GALNT10: variants seen among roughly 807,000 people sequenced by gnomAD.
GALNT10 encodes the protein polypeptide N-acetylgalactosaminyltransferase 10, also known as GalNAc transferase 10.
In GALNT10, 41 loss-of-function variants were observed where a neutral mutation model predicts 75.0. The observed-to-expected ratio is 0.55, with a 90% confidence interval of 0.43 to 0.71. The LOEUF (loss-of-function observed/expected upper bound fraction) is 0.71, where lower values mean the gene tolerates loss of function less well. GALNT10 is among the 30% of genes least tolerant of loss of function. The pLI, the probability that GALNT10 is intolerant of heterozygous loss-of-function variation, is 0.00. For synonymous variants in GALNT10, 302 were observed against 313.0 expected (o/e 0.96, Z 0.37); for missense variants, 727 against 818.5 (o/e 0.89, Z 1.36).
At chr5:154,400,517 G>T (rs925329023) in intron 7 of GALNT10, among the ~76,000 whole-genome samples, 1 of 152,214 alleles carries the variant, frequency 6.6e-6, no homozygotes, top group African/African-American at 2.4e-5. Context: ...GCCATCCTGG[G>T]TCACAGGCCC....
At chr5:154,267,600 C>T (rs1753798112) in intron 1 of GALNT10, among the ~76,000 whole-genome samples, 1 of 152,158 alleles carries the variant, frequency 6.6e-6, no homozygotes, top group East Asian at 1.9e-4. Context: ...ATTTTTGGCC[C>T]CAGTGTTGAC....
At chr5:154,214,107 C>T (rs1191229768) in intron 1 of GALNT10, among the ~76,000 whole-genome samples, 1 of 152,142 alleles carries the variant, frequency 6.6e-6, no homozygotes, top group African/African-American at 2.4e-5. Flanking sequence ...ATACTGAAAG[C>T]CTTTTTGATG....
intron 7 of GALNT10, among the ~76,000 whole-genome samples, chr5:154,403,461 A>T (rs1052546319): frequency 6.6e-6 from 1 of 152,236 alleles, no homozygotes; most frequent in Admixed American, 6.5e-5. Context: ...ACCCAGCTGC[A>T]CAGCCTAGCA....
intron 4 of GALNT10, among the ~76,000 whole-genome samples, chr5:154,371,675 G>C (rs1199845520): frequency 6.6e-6 from 1 of 152,150 alleles, no homozygotes; most frequent in Non-Finnish European, 1.5e-5. Context: ...CCAGCTGAGA[G>C]AGTTGGGGCA....
intron 7 of GALNT10, among the ~76,000 whole-genome samples, chr5:154,395,020 T>A (rs1755988410): frequency 6.6e-6 from 1 of 152,226 alleles, no homozygotes; most frequent in Admixed American, 6.5e-5. Context: ...CTGTGGAGCC[T>A]GCTTCTCCCA....
chr5:154,340,665 A>G (rs1028059419), intron 4 of GALNT10, among the ~76,000 whole-genome samples: 2 of 152,220 alleles, frequency 1.3e-5, no homozygotes, highest in African/African-American at 4.8e-5. Flanking sequence ...GCAGCCTCCA[A>G]GTAAACCCAT....
chr5:154,307,833 A>G (rs1014661312), intron 3 of GALNT10, among the ~76,000 whole-genome samples: 1 of 151,732 alleles, frequency 6.6e-6, no homozygotes, highest in Non-Finnish European at 1.5e-5. Context: ...CAGGTCAGCA[A>G]CTAGAAGATC....
At chr5:154,231,797 T>C (rs1753154582) in intron 1 of GALNT10, among the ~76,000 whole-genome samples, 1 of 152,244 alleles carries the variant, frequency 6.6e-6, no homozygotes, top group East Asian at 1.9e-4. Flanking sequence ...TACCTCTATG[T>C]GCCTTTGTAG....
chr5:154,325,681 T>C (rs1754746530), intron 3 of GALNT10, among the ~76,000 whole-genome samples: 1 of 149,574 alleles, frequency 6.7e-6, no homozygotes, highest in Admixed American at 6.6e-5. Flanking sequence ...TTTTCGAGGA[T>C]TAAAACACTC....
chr5:154,397,892 C>T (rs1198270222), intron 7 of GALNT10, among the ~76,000 whole-genome samples: 1 of 152,214 alleles, frequency 6.6e-6, no homozygotes, highest in Non-Finnish European at 1.5e-5. Context: ...TTCCACTGCG[C>T]CCTTCTTTCT....
At chr5:154,386,749 A>G (rs1451421606) in intron 7 of GALNT10, 1 of 531,096 alleles carries the variant, frequency 1.9e-6, no homozygotes. Context: ...TGAGATTGAG[A>G]TGTCCAGCAA....
intron 1 of GALNT10, among the ~76,000 whole-genome samples, chr5:154,202,436 G>A (rs1032511394): frequency 6.6e-6 from 1 of 152,210 alleles, no homozygotes; most frequent in Non-Finnish European, 1.5e-5. Flanking sequence ...CTCTTACTGC[G>A]TGCTATGCAC....
intron 4 of GALNT10, among the ~76,000 whole-genome samples, chr5:154,358,499 A>G (rs1755332319): frequency 6.6e-6 from 1 of 152,204 alleles, no homozygotes; most frequent in African/African-American, 2.4e-5. Flanking sequence ...GCTTAGAGAA[A>G]TTTAAGTAAC....
intron 4 of GALNT10, among the ~76,000 whole-genome samples, chr5:154,351,533 A>G (rs1211215823): frequency 1.3e-5 from 2 of 152,258 alleles, no homozygotes; most frequent in African/African-American, 4.8e-5. Context: ...AAAATATCCA[A>G]CATAGTAAAC....
At chr5:154,210,905 A>G (rs892411024) in intron 1 of GALNT10, among the ~76,000 whole-genome samples, 28 of 152,204 alleles carry the variant, frequency 1.8e-4, no homozygotes, top group African/African-American at 6.0e-4. Context: ...AAGGGTTATC[A>G]TGTCTTCAAC....
chr5:154,270,991 CAAAAAAAA>C (rs5872366), intron 1 of GALNT10, among the ~76,000 whole-genome samples: 2 of 76,122 alleles, frequency 2.6e-5, no homozygotes, highest in Admixed American at 1.6e-4. Flanking sequence ...GATTCCATCT[CAAAAAAAA>C]AAAAAAAAAA....
Position 154,192,954 on chromosome 5 carries a change from T to C in GALNT10, c.159+1929T>C, listed in dbSNP as rs185520101. ...GTTTGGCCTGAGCTTTCAAAGTAAATTACTCACTTGTGCAAGAGGGTATTG... is the reference window on the plus strand; with the variant it reads ...GTTTGGCCTGAGCTTTCAAAGTAAACTACTCACTTGTGCAAGAGGGTATTG... On this transcript the variant is annotated intron_variant, in intron 1 of 11. Coordinates refer to ENST00000297107, the MANE Select transcript of GALNT10 (RefSeq NM_198321.4). Among the ~76,000 whole-genome samples the C allele has an allele frequency of 3.9e-5, 6 of 152,238 alleles. No homozygotes were observed. In the East Asian group the frequency reaches 9.6e-4, roughly 24 times the overall value.
At chr5:154,359,912 T>C (rs1755356706) in intron 4 of GALNT10, among the ~76,000 whole-genome samples, 1 of 151,878 alleles carries the variant, frequency 6.6e-6, no homozygotes, top group African/African-American at 2.4e-5. Context: ...GAAAGCCACT[T>C]CAGAGGGCAA....
At position 154,236,253 on chromosome 5, in the gene GALNT10, T is replaced by C. The variant is rs114656826; in HGVS notation, c.159+45228T>C. 3.6e-3 allele frequency among the ~76,000 whole-genome samples: 554 copies of C among 152,314 alleles called. 6 individuals carry two copies. Among genetic ancestry groups the C allele is most frequent in the African/African-American group, 0.013 (538 of 41,554 alleles). On this transcript the variant is annotated intron_variant, in intron 1 of 11. Coordinates refer to ENST00000297107, the MANE Select transcript of GALNT10 (RefSeq NM_198321.4). Reference sequence around the variant, plus strand: ...CTCATGTGCAAAATAAGGACAACAGTGGTACCTACCACATGGAACTATTGC... The same window carrying C: ...CTCATGTGCAAAATAAGGACAACAGCGGTACCTACCACATGGAACTATTGC...
Sources: gnomAD v4.1 joint callset for allele counts (sites outside exome capture counted in the v4.1 genomes callset) on GRCh38, gnomAD v4.1.1 for gene constraint, MANE v1.5 for transcripts, NCBI Gene and HGNC (gene_info 2026-07-23, HGNC 2026-07-21) for gene names.